The following SNX29 variants were observed in gnomAD, a reference collection of about 807,000 sequenced individuals.
The protein encoded by SNX29 is sorting nexin-29.
A neutral mutation model predicts 102.1 loss-of-function variants in SNX29; 78 were observed. The observed-to-expected ratio is 0.76, with a 90% CI of 0.64 to 0.92. The LOEUF (loss-of-function observed/expected upper bound fraction) is 0.92. Among genes scored for constraint, SNX29 ranks in the 40% least tolerant of loss-of-function variants. The pLI, the probability that SNX29 is intolerant of heterozygous loss-of-function variation, is 0.00. For missense variants in SNX29, 1,280 were observed against 1,061.7 expected (o/e 1.21, Z -2.86); for synonymous variants, 580 against 414.5 (o/e 1.40, Z -4.85).
intron 16 of SNX29, among the ~76,000 whole-genome samples, chr16:12,393,392 T>TCATGCATGCATG (rs374651159): frequency 6.3e-5 from 9 of 142,014 alleles, no homozygotes; most frequent in Middle Eastern, 3.6e-3. Flanking sequence ...ATTCATTCAT[T>TCATGCATGCATG]CATGCATGCA....
chr16:12,562,729 C>T (rs186046572), intron 20 of SNX29, among the ~76,000 whole-genome samples: 29 of 152,288 alleles, frequency 1.9e-4, no homozygotes, highest in Admixed American at 4.6e-4. Context: ...TACTGTTTCT[C>T]GCTTTTATGG....
chr16:12,356,315 C>G (rs1388651969), intron 16 of SNX29, 36 bp downstream of exon 16: 1 of 1,536,214 alleles, frequency 6.5e-7, no homozygotes, highest in Non-Finnish European at 8.8e-7. Context: ...TCTGTCAAGC[C>G]TCTGCTGCCC....
intron 14 of SNX29, among the ~76,000 whole-genome samples, chr16:12,267,121 T>C (rs1007212700): frequency 6.6e-6 from 1 of 152,218 alleles, no homozygotes; most frequent in Non-Finnish European, 1.5e-5. Context: ...CCTTGCTTTT[T>C]AGTGGAGAAT....
In SNX29 at chr16:12,571,080, G is replaced by A. The variant is rs1029911493; in HGVS notation, c.*2451G>A. ...AAATGCTGGTGGCCCGCACATGACA[G>A]CAACTCCCCGAAGCCTTCCCTTTGG... On this transcript the variant is annotated 3_prime_UTR_variant, in exon 21 of 21. Coordinates refer to ENST00000566228, the MANE Select transcript of SNX29 (RefSeq NM_032167.5). The A allele has an allele frequency of 1.2e-4, 29 of 232,618 alleles. No homozygotes were observed. The highest frequency in any genetic ancestry group is 5.5e-4 in the African/African-American group (25 of 45,404). 14.4% of individuals were successfully genotyped at this position (232,618 alleles called of 1,614,324 possible). A position where few individuals can be genotyped will look rare whatever the true frequency, so the allele number is the denominator to read the frequency against.
chr16:12,560,026 GTAT>G (rs2078627082), intron 20 of SNX29, among the ~76,000 whole-genome samples: 2 of 151,932 alleles, frequency 1.3e-5, no homozygotes, highest in Non-Finnish European at 2.9e-5. Context: ...GGAAGACTTA[GTAT>G]GACAAATACA....
At chr16:12,274,114 G>A (rs538443225) in intron 14 of SNX29, among the ~76,000 whole-genome samples, 7 of 152,214 alleles carry the variant, frequency 4.6e-5, no homozygotes, top group East Asian at 1.9e-4. Flanking sequence ...CTTTATGTGC[G>A]GGGTAAAGTT....
chr16:12,544,162 C>T lies in SNX29; in HGVS notation c.2318+19321C>T, dbSNP rs553462709. Among the ~76,000 whole-genome samples the T allele has an allele frequency of 8.5e-5, 13 of 152,150 alleles. No individual in the cohort carries two copies. In the South Asian group the frequency reaches 1.0e-3, roughly 12 times the overall value. On this transcript the variant is annotated intron_variant, in intron 20 of 20. Coordinates refer to ENST00000566228, the MANE Select transcript of SNX29 (RefSeq NM_032167.5). ...TTCACCGGCATCATTCCTAAGAACA[C>T]GGGATGGGAATCGGTGGTGTGCACA...
At chr16:12,526,234 A>C (rs1349041084) in intron 20 of SNX29, among the ~76,000 whole-genome samples, 1 of 152,162 alleles carries the variant, frequency 6.6e-6, no homozygotes, top group African/African-American at 2.4e-5. Flanking sequence ...TGCTGGGTTC[A>C]AAACAGAGGG....
In SNX29 at chr16:11,999,328, G is replaced by C. The variant is rs777967406; in HGVS notation, c.39G>C (p.Leu13=). 1 of 1,614,124 alleles carries C rather than the reference G, an allele frequency of 6.2e-7. No homozygotes were observed. The highest frequency in any genetic ancestry group is 1.1e-5 in the South Asian group (1 of 91,080). The change falls in exon 2 of 21, where the codon CTG becomes CTC. Residue 13 remains leucine, a synonymous_variant. Coordinates refer to ENST00000566228, the MANE Select transcript of SNX29 (RefSeq NM_032167.5). ...AGAACAATGACAAAAGACAATTTCT[G>C]CTGGAGCGACTGCTGGATGCAGTGA... ...GSQNNDKRQF[L]LERLLDAVKQ...
At chr16:12,241,292 T>C (rs2078096967) in intron 14 of SNX29, among the ~76,000 whole-genome samples, 3 of 152,166 alleles carry the variant, frequency 2.0e-5, no homozygotes. Flanking sequence ...AAAACTGGCT[T>C]AAAATTGAAG....
intron 11 of SNX29, among the ~76,000 whole-genome samples, chr16:12,091,125 C>A (rs574241769): frequency 6.6e-6 from 1 of 151,706 alleles, no homozygotes; most frequent in African/African-American, 2.4e-5. Context: ...CCAGGCTTTA[C>A]CTTCACTAAT....
intron 16 of SNX29, among the ~76,000 whole-genome samples, chr16:12,385,511 A>C (rs923769004): frequency 6.6e-6 from 1 of 152,188 alleles, no homozygotes; most frequent in African/African-American, 2.4e-5. Context: ...AGGAAGGAGG[A>C]GGCCAGCACT....
At chr16:12,023,552 T>G (rs1596620246) in intron 3 of SNX29, among the ~76,000 whole-genome samples, 1 of 146,374 alleles carries the variant, frequency 6.8e-6, no homozygotes, top group Non-Finnish European at 1.5e-5. Context: ...CACTCCAGCC[T>G]GGGTAACAGA....
chr16:12,017,727 A>G (rs78280516), intron 3 of SNX29, among the ~76,000 whole-genome samples: 2,004 of 152,222 alleles, frequency 0.013, 19 homozygotes, highest in Non-Finnish European at 0.022. Flanking sequence ...GGTTTGCATT[A>G]GGAATTTATC....
intron 18 of SNX29, among the ~76,000 whole-genome samples, chr16:12,455,191 C>T (rs942345051): frequency 5.9e-5 from 9 of 152,130 alleles, no homozygotes; most frequent in African/African-American, 2.2e-4. Context: ...TAGCCAGCTC[C>T]AAGACGCCCT....
intron 14 of SNX29, among the ~76,000 whole-genome samples, chr16:12,211,731 A>C (rs2077189468): frequency 1.3e-5 from 2 of 152,224 alleles, no homozygotes; most frequent in African/African-American, 4.8e-5. Context: ...GTCTGGGGGC[A>C]GAATTCGTAC....
At chr16:12,212,472 G>C (rs2077212198) in intron 14 of SNX29, among the ~76,000 whole-genome samples, 1 of 148,610 alleles carries the variant, frequency 6.7e-6, no homozygotes. Flanking sequence ...GAGCGGGAAA[G>C]GCAGGCACAG....
intron 10 of SNX29, among the ~76,000 whole-genome samples, chr16:12,076,120 G>T (rs147274835): frequency 1.3e-5 from 2 of 152,046 alleles, no homozygotes; most frequent in Non-Finnish European, 2.9e-5. Flanking sequence ...TGCGCTTCCC[G>T]AGTGAGGCAA....
At chr16:12,449,550 C>A (rs549623907) in intron 18 of SNX29, among the ~76,000 whole-genome samples, 2 of 152,148 alleles carry the variant, frequency 1.3e-5, no homozygotes, top group Admixed American at 6.5e-5. Flanking sequence ...AGTCAGTAGT[C>A]TTGGGGTAAC....
Sources: allele counts gnomAD v4.1 joint callset (sites outside exome capture counted in the v4.1 genomes callset), GRCh38; gene constraint gnomAD v4.1.1; transcripts MANE v1.5; gene names NCBI Gene and HGNC (gene_info 2026-07-23, HGNC 2026-07-21).